CILP: variants seen among roughly 807,000 people sequenced by gnomAD.
The protein encoded by CILP is cartilage intermediate layer protein 1.
In CILP, 75 loss-of-function variants were observed where a neutral mutation model predicts 82.5. The ratio of observed to expected loss-of-function variants is 0.91; its 90% CI spans 0.75 to 1.10. The LOEUF (loss-of-function observed/expected upper bound fraction) is 1.10, where lower values mean the gene tolerates loss of function less well. Among genes scored for constraint, CILP ranks in the 50% least tolerant of loss-of-function variants. CILP has a pLI of 0.00. For synonymous variants in CILP, 530 were observed against 580.3 expected (o/e 0.91, Z 1.25); for missense variants, 1,479 against 1,530.8 (o/e 0.97, Z 0.56).
Position 65,204,268 on chromosome 15 carries a change from C to T in CILP, c.919G>A (p.Glu307Lys), listed in dbSNP as rs147212329. The T allele has an allele frequency of 1.7e-4, 270 of 1,612,936 alleles. 1 individual carries two copies. Among genetic ancestry groups the T allele is most frequent in the Non-Finnish European group, 2.2e-4 (260 of 1,179,666 alleles). ...GCCCTACCCCAAAGAATTTAGTTAC[C>T]TGCCCTCACAAACTCTGCCTTGATG... The part of the protein sequence containing the change: ...ATIKAEFVRA[E>K]TPYMVMNPET... The change falls in exon 6 of 9, where the codon GAG becomes AAG. Residue 307 changes from glutamate to lysine, a missense_variant and splice_region_variant. Transcript: ENST00000261883.
chr15:65,205,508 G>A (rs1168170585), intron 4 of CILP, 42 bp from the exon 5 acceptor site: 1 of 1,547,026 alleles, frequency 6.5e-7, no homozygotes, highest in Non-Finnish European at 8.8e-7. Context: ...TCCCTCTTGA[G>A]GGAACTCTGT....
At chr15:65,207,631 G>A in intron 3 of CILP, 41 bp downstream of exon 3, 1 of 1,571,254 alleles carries the variant, frequency 6.4e-7, no homozygotes, top group Non-Finnish European at 8.8e-7. Flanking sequence ...GCTCGTTAAA[G>A]GCTGCCCCTC....
intron 3 of CILP, 132 bp from the exon 4 acceptor site, chr15:65,207,183 T>G: frequency 1.0e-6 from 1 of 978,972 alleles, no homozygotes; most frequent in Middle Eastern, 3.1e-4. Flanking sequence ...CAATCCCCTC[T>G]TACACCTGCC....
In CILP at chr15:65,201,907, GC is replaced by G. The variant is rs745516539; in HGVS notation, c.1150del (p.Ala384LeufsTer2). The G allele has an allele frequency of 3.3e-5, 53 of 1,591,462 alleles. 1 individual carries two copies. The South Asian group carries it at 5.9e-4, about 18-fold the overall frequency. ...YFCKAQSDAGAVKSKVAQLIV... is the reference protein window; with the variant it reads ...YFCKAQSDAGXVKSKVAQLIV... The stretch of plus-strand genomic sequence containing the variant: ...CAGCTGGGCAACCTTGGACTTCACA[GC>G]CCCAGCATCACTCTGGGCCTTGCAA... On this transcript the variant is annotated frameshift_variant, in exon 8 of 9. Transcript: ENST00000261883. LOFTEE classifies it high-confidence loss of function.
At chr15:65,201,756 A>G in intron 8 of CILP, 116 bp downstream of exon 8, 1 of 591,764 alleles carries the variant, frequency 1.7e-6, no homozygotes, top group Non-Finnish European at 2.6e-6. Context: ...AAAAAGAAAG[A>G]AAGAAAAGAA....
At position 65,198,134 on chromosome 15, in the gene CILP, T is replaced by C. The variant is rs764167212; in HGVS notation, c.2152A>G (p.Asn718Asp). The change falls in exon 9 of 9, where the codon AAT becomes GAT. Residue 718 changes from asparagine to aspartate, a missense_variant. Coordinates refer to ENST00000261883, the MANE Select transcript of CILP (RefSeq NM_003613.4). ...TCTTCTCTTTTGTTCCTCCTTTGATTTTCAAATTTGAAATCACCTTCCTCC... is the reference window on the plus strand; with the variant it reads ...TCTTCTCTTTTGTTCCTCCTTTGATCTTCAAATTTGAAATCACCTTCCTCC... ...WEEEGDFKFENQRRNKREDRT... is the reference protein window; with the variant it reads ...WEEEGDFKFEDQRRNKREDRT... 6.2e-7 allele frequency: 1 copy of C among 1,614,248 alleles called. No individual in the cohort carries two copies. Among genetic ancestry groups the C allele is most frequent in the Non-Finnish European group, 8.5e-7 (1 of 1,180,048 alleles).
Position 65,197,784 on chromosome 15 carries a change from T to A in CILP, c.2502A>T (p.Gln834His). ...VLASLAGEEL[Q>H]AVESSPKFNP... ...TGAATTTAGGAGAAGACTCCACTGCTTGCAGTTCCTCCCCAGCCAGGCTTG... is the reference window on the plus strand; with the variant it reads ...TGAATTTAGGAGAAGACTCCACTGCATGCAGTTCCTCCCCAGCCAGGCTTG... The change falls in exon 9 of 9, where the codon CAA (glutamine) becomes CAT (histidine). Residue 834 changes from glutamine (Q) to histidine (H), a missense_variant. Coordinates refer to ENST00000261883, the MANE Select transcript of CILP (RefSeq NM_003613.4). 1 of 1,613,298 alleles carries A rather than the reference T, an allele frequency of 6.2e-7. No individual in the cohort carries two copies. Among genetic ancestry groups the A allele is most frequent in the East Asian group, 2.2e-5 (1 of 44,878 alleles).
intron 3 of CILP, 113 bp downstream of exon 3, chr15:65,207,559 G>A: frequency 1.2e-6 from 1 of 861,536 alleles, no homozygotes; most frequent in Non-Finnish European, 1.9e-6. Flanking sequence ...CCAAATGCTT[G>A]TAAAAGTGGG....
chr15:65,203,908 G>C (rs2088487948), intron 6 of CILP, among the ~76,000 whole-genome samples: 1 of 152,196 alleles, frequency 6.6e-6, no homozygotes. Context: ...CGTTAGATAA[G>C]GTGGCCAGGG....
chr15:65,206,262 C>T (rs985226964), intron 4 of CILP, among the ~76,000 whole-genome samples: 2 of 152,144 alleles, frequency 1.3e-5, no homozygotes, highest in South Asian at 2.1e-4. Flanking sequence ...ATAACTAGCA[C>T]AGTATCTGGC....
intron 6 of CILP, among the ~76,000 whole-genome samples, 196 bp downstream of exon 6, chr15:65,204,072 G>A (rs2088489820): frequency 6.6e-6 from 1 of 152,236 alleles, no homozygotes; most frequent in Non-Finnish European, 1.5e-5. Context: ...GGAGTAGAGT[G>A]ATTTGGTGTA....
intron 1 of CILP, among the ~76,000 whole-genome samples, chr15:65,210,320 C>T (rs1324382209): frequency 6.6e-6 from 1 of 152,170 alleles, no homozygotes; most frequent in Non-Finnish European, 1.5e-5. Context: ...GGCAGGCTGG[C>T]TGGAGGGTGC....
rs1265263258 is a variant in CILP at position 65,196,232 on chromosome 15, T to C, written c.*499A>G. ...TAGAATTCCAAATTTAGCAAAGAAA[T>C]AAATAAGTTATTTACATTTCAAGTA... On this transcript the variant is annotated 3_prime_UTR_variant, in exon 9 of 9. Coordinates refer to ENST00000261883, the MANE Select transcript of CILP (RefSeq NM_003613.4). The C allele has an allele frequency of 6.6e-6, 1 of 152,634 alleles. No homozygotes were observed. Among genetic ancestry groups the C allele is most frequent in the Non-Finnish European group, 1.5e-5 (1 of 68,338 alleles). 9.5% of individuals were successfully genotyped at this position (152,634 alleles called of 1,614,324 possible). A position where few individuals can be genotyped will look rare whatever the true frequency, so the allele number is the denominator to read the frequency against.
intron 4 of CILP, 68 bp downstream of exon 4, chr15:65,206,714 G>A: frequency 2.0e-6 from 3 of 1,533,078 alleles, no homozygotes; most frequent in Non-Finnish European, 2.6e-6. Context: ...GCCAGAGGCA[G>A]GTTCTCCCTC....
At position 65,198,137 on chromosome 15, in the gene CILP, C is replaced by G; in HGVS notation, c.2149G>C (p.Glu717Gln). The G allele has an allele frequency of 6.2e-7, 1 of 1,614,216 alleles. No individual in the cohort carries two copies. Among genetic ancestry groups the G allele is most frequent in the Non-Finnish European group, 8.5e-7 (1 of 1,180,048 alleles). Residue 717 changes from glutamate (E) to glutamine (Q), a missense_variant, in exon 9 of 9, where the codon GAA (glutamate) becomes CAA (glutamine). Physicochemically the swap from Glu to Gln is conservative, Grantham distance 29. Coordinates refer to ENST00000261883, the MANE Select transcript of CILP (RefSeq NM_003613.4). ...LWEEEGDFKFENQRRNKREDR... is the reference protein window; with the variant it reads ...LWEEEGDFKFQNQRRNKREDR... The stretch of plus-strand genomic sequence containing the variant: ...TCTCTTTTGTTCCTCCTTTGATTTT[C>G]AAATTTGAAATCACCTTCCTCCTCC...
intron 6 of CILP, 121 bp from the exon 7 acceptor site, chr15:65,203,591 C>T: frequency 1.5e-6 from 1 of 664,064 alleles, no homozygotes; most frequent in Non-Finnish European, 2.6e-6. Context: ...CACCCCTACC[C>T]CCAGCCCATC....
Position 65,198,810 on chromosome 15 carries a change from C to T in CILP, c.1476G>A (p.Val492=). Residue 492 remains valine, a synonymous_variant, in exon 9 of 9, where the codon GTG becomes GTA. Transcript: ENST00000261883. ...TGTCAGCAGCACTGACACGGCCCCG[C>T]ACGATGCTCCGAGTTTCCGTACACC... ...CQRCTETRSI[V]RGRVSAADNG... The T allele has an allele frequency of 6.2e-7, 1 of 1,614,188 alleles. No individual in the cohort carries two copies. Among genetic ancestry groups the T allele is most frequent in the Non-Finnish European group, 8.5e-7 (1 of 1,180,048 alleles).
intron 5 of CILP, among the ~76,000 whole-genome samples, chr15:65,204,876 G>A (rs931443113): frequency 6.6e-6 from 1 of 152,044 alleles, no homozygotes; most frequent in Admixed American, 6.6e-5. Flanking sequence ...AAAATTAGCT[G>A]GGCATGGTGA....
At position 65,195,281 on chromosome 15, in the gene CILP, T is replaced by C. The variant is rs2088348136; in HGVS notation, c.*1450A>G. 6.6e-6 allele frequency: 1 copy of C among 152,190 alleles called. No individual in the cohort carries two copies. Among genetic ancestry groups the C allele is most frequent in the Non-Finnish European group, 1.5e-5 (1 of 68,064 alleles). The allele number at this position is 152,190 out of a possible 1,614,324, so 9.4% of individuals were successfully genotyped here. A position where few individuals can be genotyped will look rare whatever the true frequency, so the allele number is the denominator to read the frequency against. On this transcript the variant is annotated 3_prime_UTR_variant, in exon 9 of 9. Coordinates refer to ENST00000261883, the MANE Select transcript of CILP (RefSeq NM_003613.4). ...TGGCCAGGGCATCAGGGAAAGCTTT[T>C]TGTCCTGATTGTAAACAGTGTCCTC...
Sources: allele counts gnomAD v4.1 joint callset (sites outside exome capture counted in the v4.1 genomes callset), GRCh38; gene constraint gnomAD v4.1.1; transcripts MANE v1.5; gene names NCBI Gene and HGNC (gene_info 2026-07-23, HGNC 2026-07-21).